EVI5: variants seen among roughly 807,000 people sequenced by gnomAD.
EVI5 encodes ecotropic viral integration site 5 protein homolog.
Under a neutral mutation model 112.0 loss-of-function variants are expected in EVI5, and 73 were observed. The ratio of observed to expected loss-of-function variants is 0.65; its 90% CI spans 0.54 to 0.79. EVI5 has a LOEUF of 0.79. Ranked by LOEUF, EVI5 falls within the 30% of genes least tolerant of loss-of-function variation. The pLI, the probability that EVI5 is intolerant of heterozygous loss-of-function variation, is 0.00. For missense variants in EVI5, 900 were observed against 968.8 expected (o/e 0.93, Z 0.94); for synonymous variants, 305 against 319.9 (o/e 0.95, Z 0.50).
intron 18 of EVI5, among the ~76,000 whole-genome samples, chr1:92,604,961 G>A (rs999066764): frequency 1.3e-5 from 2 of 152,190 alleles, no homozygotes; most frequent in African/African-American, 4.8e-5. Context: ...AACTCATAGA[G>A]ACAAAGTAGA....
At chr1:92,744,479 T>C (rs1049402247) in intron 1 of EVI5, among the ~76,000 whole-genome samples, 2 of 152,082 alleles carry the variant, frequency 1.3e-5, no homozygotes, top group African/African-American at 4.8e-5. Flanking sequence ...CTATTTTGTC[T>C]TCTTTGAGAA....
chr1:92,719,030 C>T (rs929829731), intron 2 of EVI5, among the ~76,000 whole-genome samples: 1 of 152,020 alleles, frequency 6.6e-6, no homozygotes, highest in Admixed American at 6.6e-5. Flanking sequence ...CAATAACAGG[C>T]TCTGAAATTG....
upstream of EVI5, among the ~76,000 whole-genome samples, chr1:92,786,780 C>T (rs987768169): frequency 1.3e-5 from 2 of 152,166 alleles, no homozygotes; most frequent in Non-Finnish European, 2.9e-5. Context: ...TCCTAACTAA[C>T]CAAGCCCTGA....
intron 14 of EVI5, among the ~76,000 whole-genome samples, chr1:92,630,901 C>T (rs901134461): frequency 1.1e-4 from 16 of 151,784 alleles, no homozygotes; most frequent in African/African-American, 1.9e-4. Flanking sequence ...AGCCAGTTTT[C>T]CCAGCACCAT....
chr1:92,514,821 C>T (rs1380976476), intron 19 of EVI5, among the ~76,000 whole-genome samples: 1 of 152,190 alleles, frequency 6.6e-6, no homozygotes, highest in Non-Finnish European at 1.5e-5. Flanking sequence ...ATCACACACA[C>T]TATCTTGAGA....
intron 9 of EVI5, among the ~76,000 whole-genome samples, chr1:92,690,217 A>G (rs1669259238): frequency 6.6e-6 from 1 of 152,166 alleles, no homozygotes; most frequent in African/African-American, 2.4e-5. Context: ...AGTAGAATGA[A>G]GTTAGCTGCA....
intron 19 of EVI5, among the ~76,000 whole-genome samples, chr1:92,562,794 G>C (rs1195816414): frequency 1.3e-5 from 2 of 152,130 alleles, no homozygotes; most frequent in Non-Finnish European, 2.9e-5. Flanking sequence ...TGTAATACCA[G>C]GAAAGGGTAA....
intron 1 of EVI5, among the ~76,000 whole-genome samples, chr1:92,777,139 T>C (rs925827818): frequency 1.2e-4 from 18 of 152,210 alleles, no homozygotes; most frequent in African/African-American, 4.1e-4. Context: ...GGTTTCACTA[T>C]GTTGGCCAGG....
At chr1:92,565,948 CAAA>C (rs71586755) in intron 18 of EVI5, among the ~76,000 whole-genome samples, 58 of 51,872 alleles carry the variant, frequency 1.1e-3, no homozygotes, top group African/African-American at 3.8e-3. Flanking sequence ...CCAGCCCGAG[CAAA>C]AAAAAAAAAA....
At chr1:92,519,501 A>T (rs1387337912) in intron 19 of EVI5, among the ~76,000 whole-genome samples, 1 of 152,238 alleles carries the variant, frequency 6.6e-6, no homozygotes, top group African/African-American at 2.4e-5. Flanking sequence ...GGGCAAATGT[A>T]TACCAGCAAA....
chr1:92,523,510 T>C (rs758759006), intron 19 of EVI5, among the ~76,000 whole-genome samples: 11 of 152,186 alleles, frequency 7.2e-5, no homozygotes, highest in Non-Finnish European at 1.2e-4. Context: ...TACGGGTATA[T>C]AAAGTAAGTA....
intron 9 of EVI5, among the ~76,000 whole-genome samples, chr1:92,688,875 G>C (rs1031219091): frequency 7.9e-5 from 12 of 152,168 alleles, no homozygotes; most frequent in Non-Finnish European, 1.8e-4. Context: ...GCATTTTTGA[G>C]AGGTAGGTCC....
intron 1 of EVI5, among the ~76,000 whole-genome samples, chr1:92,748,967 G>A (rs924634664): frequency 4.0e-4 from 60 of 151,104 alleles, no homozygotes; most frequent in African/African-American, 1.5e-3. Flanking sequence ...TTGGGAGGCT[G>A]AGGCAGGAGA....
At chr1:92,630,210 AT>A (rs1353157168) in intron 14 of EVI5, among the ~76,000 whole-genome samples, 15 of 152,292 alleles carry the variant, frequency 9.8e-5, no homozygotes, top group Middle Eastern at 3.4e-3. Flanking sequence ...GTCAAATGGT[AT>A]TTCTAGTTCT....
intron 1 of EVI5, among the ~76,000 whole-genome samples, chr1:92,751,968 A>G (rs1680264589): frequency 6.6e-6 from 1 of 152,106 alleles, no homozygotes; most frequent in South Asian, 2.1e-4. Context: ...GTGAGCCAAG[A>G]TCACGCCACT....
At chr1:92,726,672 T>A (rs181965412) in intron 2 of EVI5, among the ~76,000 whole-genome samples, 1 of 152,314 alleles carries the variant, frequency 6.6e-6, no homozygotes, top group African/African-American at 2.4e-5. Flanking sequence ...AAGTTTTTTC[T>A]TATTATTTCA....
At position 92,752,428 on chromosome 1, in the gene EVI5, A is replaced by G. The variant is rs377747764; in HGVS notation, c.-81-15801T>C. Among the ~76,000 whole-genome samples the G allele has an allele frequency of 3.3e-5, 5 of 150,604 alleles. No homozygotes were observed. The East Asian group carries it at 9.9e-4, about 30-fold the overall frequency. On this transcript the variant is annotated intron_variant, in intron 1 of 19. Coordinates refer to ENST00000684568, the MANE Select transcript of EVI5 (RefSeq NM_001350197.2). ...GGCCTCAAGTGATTTGCCCGCCTCGACCTCCCAAAGTGCTGGGATTACAGG... is the reference window on the plus strand; with the variant it reads ...GGCCTCAAGTGATTTGCCCGCCTCGGCCTCCCAAAGTGCTGGGATTACAGG...
intron 14 of EVI5, among the ~76,000 whole-genome samples, chr1:92,630,067 T>C (rs1285643744): frequency 5.3e-5 from 8 of 152,178 alleles, no homozygotes; most frequent in Admixed American, 6.5e-5. Context: ...CAGTCTATCA[T>C]TGTTGGACAT....
At chr1:92,595,913 T>A (rs929197681) in intron 18 of EVI5, among the ~76,000 whole-genome samples, 1 of 152,224 alleles carries the variant, frequency 6.6e-6, no homozygotes, top group African/African-American at 2.4e-5. Flanking sequence ...AAAACTTATA[T>A]AACTACCATG....
Sources: gnomAD v4.1 joint callset for allele counts (sites outside exome capture counted in the v4.1 genomes callset) on GRCh38, gnomAD v4.1.1 for gene constraint, MANE v1.5 for transcripts, NCBI Gene and HGNC (gene_info 2026-07-23, HGNC 2026-07-21) for gene names.